Variants in LSAMP observed in about 807,000 individuals in gnomAD.
LSAMP encodes the protein limbic system-associated membrane protein.
A neutral mutation model predicts 38.6 loss-of-function variants in LSAMP; 7 were observed. The observed-to-expected ratio is 0.18, with a 90% CI of 0.10 to 0.34. LSAMP has a LOEUF of 0.34. LSAMP is among the 10% of genes least tolerant of loss of function. The pLI, the probability that LSAMP is intolerant of heterozygous loss-of-function variation, is 1.00. For missense variants in LSAMP, 313 were observed against 420.0 expected, an observed-to-expected ratio of 0.75 and a Z score of 2.23; for synonymous variants, 154 against 166.8, an observed-to-expected ratio of 0.92 and a Z score of 0.59.
intron 1 of LSAMP, among the ~76,000 whole-genome samples, chr3:116,433,811 A>G (rs1002419685): frequency 6.6e-6 from 1 of 152,138 alleles, no homozygotes; most frequent in Non-Finnish European, 1.5e-5. Context: ...CCTTCTTCTC[A>G]GAGCTACCCA....
In LSAMP at chr3:116,444,873, C is replaced by T. The variant is rs1218943767; in HGVS notation, c.155+4G>A. On this transcript the variant is annotated splice_donor_region_variant and intron_variant, in intron 1 of 6. Transcript: ENST00000490035. ...GCAGCAGAAAAGTTGCCCGAAAGCC[C>T]TACCTGAGGATGGCTGTGTCCCCCT... The T allele has an allele frequency of 1.2e-6, 2 of 1,614,044 alleles. No homozygotes were observed. The highest frequency in any genetic ancestry group is 1.7e-6 in the Non-Finnish European group (2 of 1,180,006).
intron 3 of LSAMP, among the ~76,000 whole-genome samples, chr3:115,987,311 T>C (rs1354705872): frequency 6.6e-6 from 1 of 152,292 alleles, no homozygotes; most frequent in Non-Finnish European, 1.5e-5. Flanking sequence ...AGTTATGAGC[T>C]AGTGCCTTTC....
chr3:115,813,618 T>C (rs948655909), intron 6 of LSAMP, among the ~76,000 whole-genome samples: 1 of 152,180 alleles, frequency 6.6e-6, no homozygotes, highest in African/African-American at 2.4e-5. Flanking sequence ...ACTTACTCTT[T>C]TCATAACTGG....
chr3:116,229,805 C>A (rs1306137010), intron 1 of LSAMP, among the ~76,000 whole-genome samples: 2 of 152,030 alleles, frequency 1.3e-5, no homozygotes, highest in Admixed American at 6.6e-5. Context: ...GCCAGATTTT[C>A]TTTTTCCCTA....
chr3:115,889,236 C>T (rs974791870), intron 3 of LSAMP, among the ~76,000 whole-genome samples: 13 of 151,888 alleles, frequency 8.6e-5, no homozygotes, highest in Admixed American at 1.3e-4. Context: ...TTCTACCTAA[C>T]GAAAATACTA....
intron 1 of LSAMP, among the ~76,000 whole-genome samples, chr3:116,312,159 G>A (rs573507674): frequency 6.8e-4 from 104 of 152,186 alleles, no homozygotes; most frequent in African/African-American, 2.0e-3. Context: ...CCCTAAATTC[G>A]CATGTACTCC....
rs375087838 is a variant in LSAMP, at chr3:115,845,669, G to A, written c.650-3091C>T. On this transcript the variant is annotated intron_variant, in intron 4 of 6. Coordinates refer to ENST00000490035, the MANE Select transcript of LSAMP (RefSeq NM_002338.5). ...CACCCCAGGGTTGCCATGCATGACT[G>A]GGGAGGTAAGTCGGCCACACTAAGC... 5.9e-5 allele frequency among the ~76,000 whole-genome samples: 9 copies of A among 152,298 alleles called. No individual in the cohort carries two copies. In the East Asian group the frequency reaches 9.7e-4, roughly 16 times the overall value.
At chr3:116,026,357 C>G (rs1465285483) in intron 2 of LSAMP, among the ~76,000 whole-genome samples, 2 of 152,152 alleles carry the variant, frequency 1.3e-5, no homozygotes, top group African/African-American at 4.8e-5. Context: ...GTACAGTTCT[C>G]TAGGTTCACA....
intron 1 of LSAMP, among the ~76,000 whole-genome samples, chr3:116,248,566 G>C (rs2046633961): frequency 6.7e-6 from 1 of 148,866 alleles, no homozygotes; most frequent in Non-Finnish European, 1.5e-5. Flanking sequence ...AAACCGTTTA[G>C]TTTATTCCTC....
At position 116,194,377 on chromosome 3, in the gene LSAMP, T is replaced by TTTTGTTTG. The variant is rs138140039; in HGVS notation, c.156-107829_156-107822dup. Among the ~76,000 whole-genome samples, 212 of 151,226 alleles carry TTTTGTTTG rather than the reference T, an allele frequency of 1.4e-3. 1 individual carries two copies. The highest frequency in any genetic ancestry group is 0.012 in the East Asian group (59 of 5,084). ...TGCAGTACTGATGTGGGGAATTGTT[T>TTTTGTTTG]TTTGTTTGTTTGTTTGTTTGTTTGT... On this transcript the variant is annotated intron_variant, in intron 1 of 6. Transcript: ENST00000490035.
intron 1 of LSAMP, among the ~76,000 whole-genome samples, chr3:116,225,513 T>C (rs974216000): frequency 6.6e-6 from 1 of 152,196 alleles, no homozygotes; most frequent in African/African-American, 2.4e-5. Flanking sequence ...AGGAAACTAA[T>C]ACAACCCTTC....
rs767074804 is a variant in LSAMP at position 116,139,724 on chromosome 3, C to T, written c.156-53168G>A. Among the ~76,000 whole-genome samples the T allele has an allele frequency of 2.0e-5, 3 of 151,892 alleles. No individual in the cohort carries two copies. The East Asian group carries it at 5.8e-4, about 29-fold the overall frequency. On this transcript the variant is annotated intron_variant, in intron 1 of 6. Coordinates refer to ENST00000490035, the MANE Select transcript of LSAMP (RefSeq NM_002338.5). ...AGCACACATGAGGCTTATTTTTAGA[C>T]CTGTAATGCTTCTCGTGATGCCTGC... is the stretch of plus-strand genomic sequence containing the variant.
intron 1 of LSAMP, among the ~76,000 whole-genome samples, chr3:116,117,959 T>C (rs1235120181): frequency 6.6e-6 from 1 of 152,166 alleles, no homozygotes; most frequent in Non-Finnish European, 1.5e-5. Context: ...AGATTGTTTT[T>C]CTTTTGAGTC....
intron 2 of LSAMP, among the ~76,000 whole-genome samples, chr3:116,070,230 T>C (rs550317102): frequency 6.6e-6 from 1 of 152,110 alleles, no homozygotes; most frequent in Non-Finnish European, 1.5e-5. Context: ...CACAATAAGA[T>C]AGGCAACTGA....
chr3:115,854,089 A>G (rs112328014), intron 3 of LSAMP, among the ~76,000 whole-genome samples: 31 of 152,068 alleles, frequency 2.0e-4, no homozygotes, highest in African/African-American at 6.7e-4. Context: ...TCTTCTCTCA[A>G]TTGTCAATAT....
chr3:115,937,501 C>T (rs1271321642), intron 3 of LSAMP, among the ~76,000 whole-genome samples: 1 of 151,776 alleles, frequency 6.6e-6, no homozygotes, highest in Non-Finnish European at 1.5e-5. Context: ...AATAGCCAAA[C>T]ATGGTAGTGC....
chr3:116,319,690 C>A (rs1312542152), intron 1 of LSAMP, among the ~76,000 whole-genome samples: 1 of 152,130 alleles, frequency 6.6e-6, no homozygotes, highest in Non-Finnish European at 1.5e-5. Flanking sequence ...AGCTCACTAG[C>A]CTCAGGTTTA....
At chr3:116,122,139 A>C (rs1485731913) in intron 1 of LSAMP, among the ~76,000 whole-genome samples, 1 of 152,318 alleles carries the variant, frequency 6.6e-6, no homozygotes, top group African/African-American at 2.4e-5. Context: ...AGGCTAACAA[A>C]ATAACATTAT....
At chr3:116,442,828 A>C (rs917539975) in intron 1 of LSAMP, among the ~76,000 whole-genome samples, 4 of 152,142 alleles carry the variant, frequency 2.6e-5, no homozygotes, top group African/African-American at 9.7e-5. Flanking sequence ...CTAAAGCGTA[A>C]TGTTTAAAAC....
Sources: allele counts gnomAD v4.1 joint callset (sites outside exome capture counted in the v4.1 genomes callset), GRCh38; gene constraint gnomAD v4.1.1; transcripts MANE v1.5; gene names NCBI Gene and HGNC (gene_info 2026-07-23, HGNC 2026-07-21).